The following MYO3B variants were observed in gnomAD, a reference collection of about 807,000 sequenced individuals.
The protein encoded by MYO3B is myosin IIIB, also known as myosin-IIIb.
In MYO3B, 156 loss-of-function variants were observed where a neutral mutation model predicts 174.6. The ratio of observed to expected loss-of-function variants is 0.89; its 90% CI spans 0.78 to 1.02. The LOEUF (loss-of-function observed/expected upper bound fraction) is 1.02, where lower values mean the gene tolerates loss of function less well. Among genes scored for constraint, MYO3B ranks in the 50% least tolerant of loss-of-function variants. The pLI, the probability that MYO3B is intolerant of heterozygous loss-of-function variation, is 0.00. For missense variants in MYO3B, 1,632 were observed against 1,639.4 expected, an observed-to-expected ratio of 1.00 and a Z score of 0.08; for synonymous variants, 563 against 569.1, an observed-to-expected ratio of 0.99 and a Z score of 0.15.
rs1684433891 is a variant in MYO3B, at chr2:170,463,462, A to G, written c.2808+17A>G. The G allele has an allele frequency of 3.7e-6, 6 of 1,611,170 alleles. No homozygotes were observed. Among genetic ancestry groups the G allele is most frequent in the African/African-American group, 2.7e-5 (2 of 74,850 alleles). ...TACTTCCGGGTATGGAGTCTTCTTG[A>G]TCTCTATTCTGCCTGCTTCCAAAAA... On this transcript the variant is annotated intron_variant, in intron 24 of 34. Transcript: ENST00000408978.
intron 22 of MYO3B, among the ~76,000 whole-genome samples, chr2:170,435,588 C>G (rs528903205): frequency 6.6e-6 from 1 of 152,324 alleles, no homozygotes; most frequent in African/African-American, 2.4e-5. Flanking sequence ...TTTCAGTTCT[C>G]AGGTCTACTG....
intron 32 of MYO3B, among the ~76,000 whole-genome samples, chr2:170,588,335 A>G (rs935071419): frequency 4.6e-5 from 7 of 152,162 alleles, no homozygotes; most frequent in African/African-American, 1.7e-4. Context: ...GCTACTCAGG[A>G]GGCTGAGGCA....
chr2:170,403,127 G>T, intron 19 of MYO3B, 132 bp downstream of exon 19: 1 of 798,882 alleles, frequency 1.3e-6, no homozygotes, highest in South Asian at 4.3e-5. Context: ...AGGCAGTCCT[G>T]GCTAAATAGT....
intron 32 of MYO3B, among the ~76,000 whole-genome samples, chr2:170,613,718 A>G (rs945883209): frequency 6.6e-6 from 1 of 152,180 alleles, no homozygotes; most frequent in Non-Finnish European, 1.5e-5. Flanking sequence ...GCACCATCTA[A>G]TCAGCTGCCA....
chr2:170,403,432 G>A (rs1268221152), intron 19 of MYO3B, among the ~76,000 whole-genome samples: 1 of 152,186 alleles, frequency 6.6e-6, no homozygotes, highest in Non-Finnish European at 1.5e-5. Flanking sequence ...CTCCAGGGAA[G>A]AGTAAGATGT....
At position 170,592,988 on chromosome 2, in the gene MYO3B, G is replaced by A. The variant is rs144576516; in HGVS notation, c.3733+49000G>A. On this transcript the variant is annotated intron_variant, in intron 32 of 34. Coordinates refer to ENST00000408978, the MANE Select transcript of MYO3B (RefSeq NM_138995.5). ...TAGATAGAGATTATATACCTAAATA[G>A]GTAGATAGATAGATGGATACATAGA... Among the ~76,000 whole-genome samples, 698 of 151,790 alleles carry A rather than the reference G, an allele frequency of 4.6e-3. 6 individuals are homozygous for A. The highest frequency in any genetic ancestry group is 0.015 in the African/African-American group (622 of 41,362).
At chr2:170,538,540 A>G (rs1689873387) in intron 30 of MYO3B, among the ~76,000 whole-genome samples, 5 of 152,336 alleles carry the variant, frequency 3.3e-5, no homozygotes, top group Admixed American at 3.3e-4. Flanking sequence ...GATGCTGGGT[A>G]TTCTCAGCAG....
intron 32 of MYO3B, among the ~76,000 whole-genome samples, chr2:170,563,482 A>G (rs968537994): frequency 6.6e-6 from 1 of 152,200 alleles, no homozygotes; most frequent in Non-Finnish European, 1.5e-5. Flanking sequence ...GGAATAAAAG[A>G]GAATCTTCTT....
At chr2:170,193,915 CT>C (rs2092569852) in intron 1 of MYO3B, among the ~76,000 whole-genome samples, 1 of 152,052 alleles carries the variant, frequency 6.6e-6, no homozygotes, top group Non-Finnish European at 1.5e-5. Context: ...CCTTATTTTT[CT>C]GTTTAATTTG....
chr2:170,187,141 A>C (rs1574543844), intron 1 of MYO3B, among the ~76,000 whole-genome samples: 1 of 151,490 alleles, frequency 6.6e-6, no homozygotes, highest in Non-Finnish European at 1.5e-5. Context: ...TGTTTTCTTC[A>C]TTTCAATTTT....
At chr2:170,573,119 G>A (rs1200139453) in intron 32 of MYO3B, among the ~76,000 whole-genome samples, 1 of 151,226 alleles carries the variant, frequency 6.6e-6, no homozygotes, top group Admixed American at 6.6e-5. Flanking sequence ...GAAGAATTCT[G>A]TTATTCTAGA....
At chr2:170,382,673 G>T in intron 10 of MYO3B, 1 of 179,840 alleles carries the variant, frequency 5.6e-6, no homozygotes, top group Non-Finnish European at 1.2e-5. Context: ...ATGCCACCTA[G>T]GTTTTAAGTG....
intron 19 of MYO3B, 141 bp from the exon 20 acceptor site, chr2:170,404,106 T>C: frequency 1.2e-6 from 1 of 828,028 alleles, no homozygotes. Flanking sequence ...ATGCAGAAGA[T>C]TCCTTTATTA....
intron 7 of MYO3B, among the ~76,000 whole-genome samples, chr2:170,331,244 AG>A (rs771703013): frequency 1.2e-4 from 18 of 152,198 alleles, no homozygotes; most frequent in Non-Finnish European, 2.4e-4. Flanking sequence ...TATCATGCAA[AG>A]GAGTTAACAT....
rs746315736 is a variant in MYO3B at position 170,310,665 on chromosome 2, CAAAAAAAAAAA to C, written c.750-24708_750-24698del. Among the ~76,000 whole-genome samples the C allele has an allele frequency of 1.8e-4, 11 of 61,458 alleles. No individual in the cohort carries two copies. In the South Asian group the frequency reaches 0.01, roughly 57 times the overall value. The allele number at this position is 61,458 out of a possible 152,430, so 40.3% of individuals were successfully genotyped here. A position where few individuals can be genotyped will look rare whatever the true frequency, so the allele number is the denominator to read the frequency against. On this transcript the variant is annotated intron_variant, in intron 7 of 34. Coordinates refer to ENST00000408978, the MANE Select transcript of MYO3B (RefSeq NM_138995.5). ...GGGCGACAAGAGCAAGACTCCATCT[CAAAAAAAAAAA>C]AAAAAAAAAAAGAAATACATTGGTT...
At chr2:170,539,169 A>G (rs576911272) in intron 30 of MYO3B, among the ~76,000 whole-genome samples, 1 of 152,296 alleles carries the variant, frequency 6.6e-6, no homozygotes, top group South Asian at 2.1e-4. Context: ...TTTTCAGAAT[A>G]CTGACTTTTT....
chr2:170,202,868 G>A (rs1305201906), intron 3 of MYO3B, among the ~76,000 whole-genome samples: 1 of 152,046 alleles, frequency 6.6e-6, no homozygotes, highest in Non-Finnish European at 1.5e-5. Flanking sequence ...TTGCCTGACT[G>A]ATGAAAGGAC....
chr2:170,558,075 G>A (rs1041198874), intron 32 of MYO3B, among the ~76,000 whole-genome samples: 6 of 152,192 alleles, frequency 3.9e-5, no homozygotes, highest in African/African-American at 9.7e-5. Flanking sequence ...ACCAAGGCGG[G>A]CGGATCACAA....
intron 25 of MYO3B, among the ~76,000 whole-genome samples, chr2:170,473,990 C>T (rs1685149112): frequency 6.6e-6 from 1 of 152,188 alleles, no homozygotes; most frequent in South Asian, 2.1e-4. Flanking sequence ...AACTGAAACT[C>T]AAACTAGTTG....
Sources: gnomAD v4.1 joint callset for allele counts (sites outside exome capture counted in the v4.1 genomes callset) on GRCh38, gnomAD v4.1.1 for gene constraint, MANE v1.5 for transcripts, NCBI Gene and HGNC (gene_info 2026-07-23, HGNC 2026-07-21) for gene names.